Variants in NEK6 observed in about 807,000 individuals in gnomAD.
The protein encoded by NEK6 is serine/threonine-protein kinase Nek6.
NEK6 carries 27 observed loss-of-function variants against 43.5 expected under a neutral mutation model. That is an observed-to-expected ratio of 0.62 (90% CI 0.46 to 0.86). The LOEUF is 0.86. Ranked by LOEUF, NEK6 falls within the 40% of genes least tolerant of loss-of-function variation. The pLI, the probability that NEK6 is intolerant of heterozygous loss-of-function variation, is 0.00. For missense variants in NEK6, 318 were observed against 414.4 expected (o/e 0.77, Z 2.02); for synonymous variants, 167 against 164.1 (o/e 1.02, Z -0.14).
At position 124,326,537 on chromosome 9, in the gene NEK6, A is replaced by C; in HGVS notation, c.514+99A>C. 1 of 851,772 alleles carries C rather than the reference A, an allele frequency of 1.2e-6. No homozygotes were observed. The highest frequency in any genetic ancestry group is 1.4e-5 in the South Asian group (1 of 72,074). 52.8% of individuals were successfully genotyped at this position (851,772 alleles called of 1,614,324 possible). On this transcript the variant is annotated intron_variant, in intron 6 of 9. Coordinates refer to ENST00000320246, the MANE Select transcript of NEK6 (RefSeq NM_014397.6). This position sits in a 1 kb window ranked among gnomAD's most constrained non-coding sequence, Gnocchi z 4.5. ...GGTCCTCAGGGGCAGCCCCTTGAGG[A>C]AGTTGGACCGCTCTGTATTCCCCAG... is the stretch of plus-strand genomic sequence containing the variant.
At chr9:124,304,074 G>A (rs1008822575) in intron 2 of NEK6, among the ~76,000 whole-genome samples, 6 of 152,244 alleles carry the variant, frequency 3.9e-5, no homozygotes, top group Non-Finnish European at 1.5e-5. Flanking sequence ...TCTGGGCAGC[G>A]GCTGTCGGGC....
At position 124,343,269 on chromosome 9, in the gene NEK6, G is replaced by A. The variant is rs1829746123; in HGVS notation, c.717+3604G>A. On this transcript the variant is annotated intron_variant, in intron 8 of 9. Coordinates refer to ENST00000320246, the MANE Select transcript of NEK6 (RefSeq NM_014397.6). This position sits in a 1 kb window ranked among gnomAD's most constrained non-coding sequence, Gnocchi z 5.1. ...CGGATCGCAGCCGGGGGGTGGTACG[G>A]GGGATGGATCGCAGCTGGGGAGGTA... Among the ~76,000 whole-genome samples the A allele has an allele frequency of 6.7e-6, 1 of 149,482 alleles. No individual in the cohort carries two copies. The highest frequency in any genetic ancestry group is 1.5e-5 in the Non-Finnish European group (1 of 67,012).
chr9:124,260,970 T>A (rs1488068937), intron 1 of NEK6: 2 of 152,298 alleles, frequency 1.3e-5, no homozygotes, highest in African/African-American at 2.4e-5. Flanking sequence ...TGGCCTGTGC[T>A]GAGGTTCAGT....
At chr9:124,270,113 A>G (rs1263573220) in intron 1 of NEK6, among the ~76,000 whole-genome samples, 2 of 151,146 alleles carry the variant, frequency 1.3e-5, no homozygotes, top group East Asian at 3.9e-4. Flanking sequence ...TGAGTGCTCC[A>G]TCTCCCCATG....
intron 1 of NEK6, among the ~76,000 whole-genome samples, chr9:124,263,614 G>T (rs536531944): frequency 7.7e-4 from 118 of 152,316 alleles, no homozygotes; most frequent in African/African-American, 2.8e-3. Flanking sequence ...CCCACCCAGG[G>T]TCACTCAGCC....
intron 2 of NEK6, among the ~76,000 whole-genome samples, chr9:124,309,023 G>C (rs372228937): frequency 6.6e-6 from 1 of 152,292 alleles, no homozygotes; most frequent in East Asian, 1.9e-4. Context: ...TCTGCTGAGA[G>C]CCCCCAGGTG....
intron 1 of NEK6, among the ~76,000 whole-genome samples, chr9:124,262,408 A>C (rs569601245): frequency 6.6e-6 from 1 of 152,354 alleles, no homozygotes; most frequent in South Asian, 2.1e-4. Context: ...TTGAACTTGG[A>C]GTGGGAGCTA....
intron 1 of NEK6, among the ~76,000 whole-genome samples, chr9:124,298,302 C>T (rs1832796660): frequency 6.6e-6 from 1 of 152,036 alleles, no homozygotes; most frequent in Non-Finnish European, 1.5e-5. Context: ...TCCTCCGTGG[C>T]TGCTGCTTTC....
chr9:124,333,773 CTT>C (rs148074227), intron 7 of NEK6, among the ~76,000 whole-genome samples: 11 of 120,000 alleles, frequency 9.2e-5, no homozygotes, highest in South Asian at 3.1e-4. Context: ...CATTTCAGTC[CTT>C]TTTTTTTTTT....
At position 124,261,354 on chromosome 9, in the gene NEK6, G is replaced by T. The variant is rs1831023617; in HGVS notation, c.-30+3269G>T. On this transcript the variant is annotated intron_variant, in intron 1 of 9. Transcript: ENST00000320246. The stretch of plus-strand genomic sequence containing the variant: ...GTCAAAACAATTGTCAAAAGGAGAA[G>T]AATATTTCCTTCCTCTTCTCAGGCT... 7 of 964,728 alleles carry T rather than the reference G, an allele frequency of 7.3e-6. No homozygotes were observed. In the South Asian group the frequency reaches 1.4e-4, roughly 20 times the overall value. 59.8% of individuals were successfully genotyped at this position (964,728 alleles called of 1,614,324 possible).
intron 1 of NEK6, among the ~76,000 whole-genome samples, chr9:124,265,130 A>T (rs1220774418): frequency 6.6e-6 from 1 of 152,210 alleles, no homozygotes; most frequent in Non-Finnish European, 1.5e-5. Context: ...GACGTTTTGG[A>T]ACCGGATGAA....
intron 1 of NEK6, 189 bp downstream of exon 1, chr9:124,258,274 C>A (rs1274473034): frequency 2.0e-6 from 2 of 984,234 alleles, no homozygotes; most frequent in South Asian, 4.6e-5. Context: ...GCCGGGCGGG[C>A]GGGGGCGGCG....
intron 1 of NEK6, among the ~76,000 whole-genome samples, chr9:124,289,188 CACA>C (rs1564624228): frequency 2.6e-3 from 3 of 1,170 alleles, no homozygotes; most frequent in Admixed American, 0.028. Flanking sequence ...CCCCCCCCGC[CACA>C]CACACACACA....
intron 1 of NEK6, among the ~76,000 whole-genome samples, chr9:124,281,567 C>A (rs1055304949): frequency 5.1e-5 from 7 of 137,674 alleles, no homozygotes; most frequent in Non-Finnish European, 1.1e-4. Context: ...GTGGTGCGAT[C>A]CCAGCTCACT....
intron 1 of NEK6, among the ~76,000 whole-genome samples, chr9:124,297,214 C>T (rs1261502249): frequency 1.3e-5 from 2 of 152,358 alleles, no homozygotes; most frequent in East Asian, 3.9e-4. Flanking sequence ...GTCCCTGCCT[C>T]AGGCCCCATG....
chr9:124,280,276 G>A (rs961794152), intron 1 of NEK6, among the ~76,000 whole-genome samples: 11 of 152,218 alleles, frequency 7.2e-5, no homozygotes, highest in Admixed American at 2.0e-4. Context: ...TGTGTTTCCT[G>A]GCTTCCTGAG....
Position 124,345,469 on chromosome 9 carries a change from C to T in NEK6, c.718-2240C>T, listed in dbSNP as rs548817265. Among the ~76,000 whole-genome samples the T allele has an allele frequency of 7.9e-5, 12 of 152,294 alleles. No homozygotes were observed. In the East Asian group the frequency reaches 9.6e-4, roughly 12 times the overall value. ...CCCCATTCAAAAGGCTTTTCTGAAA[C>T]GATGTGGAGAAAGTGCTGGAAAGAG... On this transcript the variant is annotated intron_variant, in intron 8 of 9. Transcript: ENST00000320246.
chr9:124,350,925 A>G lies in NEK6; in HGVS notation c.920A>G (p.His307Arg), dbSNP rs1414669747. The change falls in exon 10 of 10, where the codon CAC becomes CGC. Residue 307 changes from histidine (H) to arginine (R), a missense_variant. Physicochemically the swap from His to Arg is conservative, Grantham distance 29 (BLOSUM62 0). This residue lies in a region of NEK6 where 79 missense variants were observed against 70.0 expected (regional missense o/e 1.13). Coordinates refer to ENST00000320246, the MANE Select transcript of NEK6 (RefSeq NM_014397.6). ...GYVHQVAKQM[H>R]IWMSST ...GTGCACCAGGTGGCCAAGCAGATGC[A>G]CATCTGGATGTCCAGCACCTGAGCG... 5 of 1,609,806 alleles carry G rather than the reference A, an allele frequency of 3.1e-6. No individual in the cohort carries two copies. The highest frequency in any genetic ancestry group is 1.7e-5 in the Admixed American group (1 of 60,002).
At position 124,321,569 on chromosome 9, in the gene NEK6, G is replaced by T; in HGVS notation, c.405G>T (p.Lys135Asn). Residue 135 changes from lysine (K) to asparagine (N), a missense_variant and splice_region_variant, in exon 5 of 10, where the codon AAG (lysine) becomes AAT (asparagine). Physicochemically the swap from Lys to Asn is moderately conservative, Grantham distance 94 (BLOSUM62 0). This residue lies in a region of NEK6 where 239 missense variants were observed against 344.4 expected (regional missense o/e 0.69). Transcript: ENST00000320246. ...ADAGDLSQMI[K>N]YFKKQKRLIP... ...CAGGGGACCTCTCGCAGATGATCAA[G>T]GTGAGCGCCTGGCGGGGTGGGGGTG... is the stretch of plus-strand genomic sequence containing the variant. The T allele has an allele frequency of 6.2e-7, 1 of 1,600,518 alleles. No individual in the cohort carries two copies. The highest frequency in any genetic ancestry group is 8.6e-7 in the Non-Finnish European group (1 of 1,167,682).
Sources: allele counts gnomAD v4.1 joint callset (sites outside exome capture counted in the v4.1 genomes callset), GRCh38; gene constraint gnomAD v4.1.1; regional missense constraint gnomAD v4.1.1; non-coding constraint Gnocchi (gnomAD v3.1); transcripts MANE v1.5; gene names NCBI Gene and HGNC (gene_info 2026-07-23, HGNC 2026-07-21).